Variants in ADAM28 observed in about 807,000 individuals in gnomAD.
ADAM28 encodes disintegrin and metalloproteinase domain-containing protein 28.
A neutral mutation model predicts 101.2 loss-of-function variants in ADAM28; 105 were observed. The ratio of observed to expected loss-of-function variants is 1.04; its 90% CI spans 0.89 to 1.22. The LOEUF (loss-of-function observed/expected upper bound fraction) is 1.22, where lower values mean the gene tolerates loss of function less well. Among genes scored for constraint, ADAM28 ranks in the 50% most tolerant of loss-of-function variants. ADAM28 has a pLI of 0.00. For missense variants in ADAM28, 1,028 were observed against 945.4 expected (o/e 1.09, Z -1.15); for synonymous variants, 322 against 310.6 (o/e 1.04, Z -0.39).
rs1259902388 is a variant in ADAM28, at chr8:24,330,091, T to C, written c.1079T>C (p.Ile360Thr). 3 of 1,613,418 alleles carry C rather than the reference T, an allele frequency of 1.9e-6. No individual in the cohort carries two copies. The highest frequency in any genetic ancestry group is 1.3e-5 in the African/African-American group (1 of 74,864). The change falls in exon 11 of 23, where the codon ATA becomes ACA. Residue 360 changes from isoleucine (I) to threonine (T), a missense_variant. Ile to Thr is a moderately conservative substitution (Grantham distance 89, BLOSUM62 -1). Transcript: ENST00000265769. ...DDYSCKCPST[I>T]CVMDKALSFY... is the part of the protein sequence containing the mutation. Reference sequence around the variant, plus strand: ...TATTCTTGCAAGTGTCCTTCTACAATATGTGTGATGGACAAAGCACTGAGG... The same window carrying C: ...TATTCTTGCAAGTGTCCTTCTACAACATGTGTGATGGACAAAGCACTGAGG...
Position 24,310,353 on chromosome 8 carries a change from T to A in ADAM28, c.306+112T>A. 3 of 901,034 alleles carry A rather than the reference T, an allele frequency of 3.3e-6. No individual in the cohort carries two copies. The South Asian group carries it at 5.4e-5, about 16-fold the overall frequency. 55.8% of individuals were successfully genotyped at this position (901,034 alleles called of 1,614,324 possible). ...AAACTGCATTTGTAACATTAGTGCT[T>A]TTTTCAGCAGTAGCCATTACTTAAA... On this transcript the variant is annotated intron_variant, in intron 4 of 22. Transcript: ENST00000265769.
chr8:24,317,286 A>G (rs1811280352), intron 6 of ADAM28, among the ~76,000 whole-genome samples: 1 of 152,092 alleles, frequency 6.6e-6, no homozygotes, highest in Admixed American at 6.6e-5. Context: ...ATTTAAAGTT[A>G]TATTACAAAG....
chr8:24,347,269 G>A (rs922798339), intron 18 of ADAM28, among the ~76,000 whole-genome samples: 4 of 152,032 alleles, frequency 2.6e-5, no homozygotes, highest in African/African-American at 9.7e-5. Context: ...ATAAACCTAA[G>A]TTAGAAATAA....
intron 6 of ADAM28, among the ~76,000 whole-genome samples, chr8:24,316,067 TTTA>T (rs1159955762): frequency 6.0e-5 from 9 of 150,052 alleles, no homozygotes; most frequent in Non-Finnish European, 1.2e-4. Flanking sequence ...AGGCCATTTA[TTTA>T]TTTATTTATT....
rs1465289582 is a variant in ADAM28 at position 24,355,756 on chromosome 8, A to ACTTT, written c.*1356_*1359dup. The ACTTT allele has an allele frequency of 6.6e-6, 1 of 152,004 alleles. No individual in the cohort carries two copies. Among genetic ancestry groups the ACTTT allele is most frequent in the Non-Finnish European group, 1.5e-5 (1 of 67,976 alleles). 9.4% of individuals were successfully genotyped at this position (152,004 alleles called of 1,614,324 possible). Reference sequence around the variant, plus strand: ...TCAGTGACTGCTGGAGTTACCTCACACTTTCTTGGTACTCCTTATTATATG... The same window carrying ACTTT: ...TCAGTGACTGCTGGAGTTACCTCACACTTTCTTTCTTGGTACTCCTTATTATATG... On this transcript the variant is annotated 3_prime_UTR_variant, in exon 23 of 23. Coordinates refer to ENST00000265769, the MANE Select transcript of ADAM28 (RefSeq NM_014265.6).
chr8:24,329,830 A>ACT (rs113169158), intron 10 of ADAM28, among the ~76,000 whole-genome samples, 155 bp from the exon 11 acceptor site: 1 of 142,008 alleles, frequency 7.0e-6, no homozygotes, highest in Non-Finnish European at 1.5e-5. Context: ...TCCATTTAGT[A>ACT]CTCTCTCTCT....
Position 24,351,275 on chromosome 8 carries a change from A to T in ADAM28, c.2143A>T (p.Lys715Ter). Residue 715 changes from lysine to a stop codon, truncating the protein, a stop_gained, in exon 20 of 23, where the codon AAA becomes TAA. Coordinates refer to ENST00000265769, the MANE Select transcript of ADAM28 (RefSeq NM_014265.6). LOFTEE classifies it high-confidence loss of function. ...TGTRPHKQKR[K>*]PQMVKAVQPQ... ...CACCAGGCCACACAAACAGAAGAGG[A>T]AACCCCAGATGGTAAAGGCTGTTCA... 1 of 1,611,918 alleles carries T rather than the reference A, an allele frequency of 6.2e-7. No individual in the cohort carries two copies.
intron 13 of ADAM28, among the ~76,000 whole-genome samples, chr8:24,335,226 A>G (rs900885047): frequency 6.6e-6 from 1 of 151,940 alleles, no homozygotes; most frequent in Non-Finnish European, 1.5e-5. Context: ...TTTGATACAA[A>G]TTCAGAAATA....
At chr8:24,337,651 A>G (rs1585692477) in intron 14 of ADAM28, among the ~76,000 whole-genome samples, 1 of 152,326 alleles carries the variant, frequency 6.6e-6, no homozygotes, top group East Asian at 1.9e-4. Context: ...AGCCATTATA[A>G]AAGGCCAGAG....
intron 2 of ADAM28, among the ~76,000 whole-genome samples, chr8:24,301,681 A>C (rs1808797686): frequency 6.6e-6 from 1 of 152,122 alleles, no homozygotes; most frequent in South Asian, 2.1e-4. Context: ...TGACAACTTT[A>C]TGTGTTAGTA....
At chr8:24,323,134 C>T (rs1812098338) in intron 8 of ADAM28, among the ~76,000 whole-genome samples, 1 of 151,846 alleles carries the variant, frequency 6.6e-6, no homozygotes, top group African/African-American at 2.4e-5. Flanking sequence ...AGATTGTCTT[C>T]CTGGCTTGGA....
chr8:24,312,035 A>G (rs979945462), intron 5 of ADAM28, among the ~76,000 whole-genome samples: 27 of 151,952 alleles, frequency 1.8e-4, no homozygotes, highest in African/African-American at 5.8e-4. Flanking sequence ...CACCACCCCC[A>G]GACTCTCTCC....
chr8:24,308,697 C>T lies in ADAM28; in HGVS notation c.151-1197C>T, dbSNP rs1374487386. On this transcript the variant is annotated intron_variant, in intron 2 of 22. Coordinates refer to ENST00000265769, the MANE Select transcript of ADAM28 (RefSeq NM_014265.6). The stretch of plus-strand genomic sequence containing the variant: ...ATCAACCTCTACTTATCTAGGCCCA[C>T]ATTTGGGGGAAATTTATAGCCTGGG... 3.1e-5 allele frequency: 14 copies of T among 456,094 alleles called. No homozygotes were observed. The Admixed American group carries it at 3.3e-4, about 11-fold the overall frequency. The allele number at this position is 456,094 out of a possible 1,614,324, so 28.3% of individuals were successfully genotyped here. A position where few individuals can be genotyped will look rare whatever the true frequency, so the allele number is the denominator to read the frequency against.
At chr8:24,330,301 G>T (rs1199375197) in intron 11 of ADAM28, among the ~76,000 whole-genome samples, 186 bp downstream of exon 11, 1 of 152,102 alleles carries the variant, frequency 6.6e-6, no homozygotes, top group African/African-American at 2.4e-5. Flanking sequence ...TAAACATATT[G>T]TCTCTTTGCT....
At chr8:24,325,395 C>A (rs1365054699) in intron 9 of ADAM28, among the ~76,000 whole-genome samples, 2 of 151,772 alleles carry the variant, frequency 1.3e-5, no homozygotes, top group African/African-American at 4.8e-5. Flanking sequence ...CAAAAGAGAC[C>A]TATACTTAGG....
rs750451322 is a variant in ADAM28 at position 24,299,962 on chromosome 8, C to CT, written c.47-6dup. On this transcript the variant is annotated splice_polypyrimidine_tract_variant and intron_variant, in intron 1 of 22. Coordinates refer to ENST00000265769, the MANE Select transcript of ADAM28 (RefSeq NM_014265.6). ...CTACCTGGATAAGTCTTTTCTTTTT[C>CT]TTTTTTCTCAGTAAGTGCTATAAAA... The CT allele has an allele frequency of 1.2e-5, 20 of 1,600,026 alleles. No homozygotes were observed. Among genetic ancestry groups the CT allele is most frequent in the South Asian group, 2.2e-5 (2 of 89,524 alleles).
chr8:24,332,850 TTATATAAAA>T, intron 13 of ADAM28, 101 bp downstream of exon 13: 1 of 600,000 alleles, frequency 1.7e-6, no homozygotes, highest in Non-Finnish European at 2.5e-6. Flanking sequence ...ATATTTTTCT[TTATATAAAA>T]TGATATATTT....
In ADAM28 at chr8:24,357,546, G is replaced by C. The variant is rs941898464; in HGVS notation, c.*3142G>C. 3.3e-5 allele frequency: 5 copies of C among 152,096 alleles called. No homozygotes were observed. Among genetic ancestry groups the C allele is most frequent in the African/African-American group, 1.2e-4 (5 of 41,396 alleles). 9.4% of individuals were successfully genotyped at this position (152,096 alleles called of 1,614,324 possible). Reference sequence around the variant, plus strand: ...CACTTATAAAACCATCAGATCTCTTGAGAGCTTACTATCTCGACAAAAGCA... The same window carrying C: ...CACTTATAAAACCATCAGATCTCTTCAGAGCTTACTATCTCGACAAAAGCA... On this transcript the variant is annotated 3_prime_UTR_variant, in exon 23 of 23. Coordinates refer to ENST00000265769, the MANE Select transcript of ADAM28 (RefSeq NM_014265.6).
rs185792154 is a variant in ADAM28 at position 24,353,845 on chromosome 8, T to C, written c.2307+13T>C. ...GTCTACACCTAAGGTAAGAGATCTA[T>C]AGCCAAATTATTATATTCTTGTATT... On this transcript the variant is annotated intron_variant, in intron 22 of 22. Coordinates refer to ENST00000265769, the MANE Select transcript of ADAM28 (RefSeq NM_014265.6). 276 of 1,470,154 alleles carry C rather than the reference T, an allele frequency of 1.9e-4. No individual in the cohort carries two copies. In the African/African-American group the frequency reaches 3.3e-3, roughly 17 times the overall value. 91.1% of individuals were successfully genotyped at this position (1,470,154 alleles called of 1,614,324 possible).
Sources: allele counts gnomAD v4.1 joint callset (sites outside exome capture counted in the v4.1 genomes callset), GRCh38; gene constraint gnomAD v4.1.1; transcripts MANE v1.5; gene names NCBI Gene and HGNC (gene_info 2026-07-23, HGNC 2026-07-21).